SLC15A1: variants seen among roughly 807,000 people sequenced by gnomAD.
SLC15A1 encodes Caco-2 oligopeptide transporter.
A neutral mutation model predicts 92.9 loss-of-function variants in SLC15A1; 83 were observed. That is an observed-to-expected ratio of 0.89 (90% CI 0.75 to 1.07). SLC15A1 has a LOEUF of 1.07. SLC15A1 is among the 50% of genes least tolerant of loss of function. The probability of loss-of-function intolerance (pLI) is 0.00; values close to 1 mark genes in which losing one functional copy is unlikely to be tolerated. For synonymous variants in SLC15A1, 322 were observed against 318.2 expected, an observed-to-expected ratio of 1.01 and a Z score of -0.13; for missense variants, 857 against 880.1, an observed-to-expected ratio of 0.97 and a Z score of 0.33.
At chr13:98,697,058 CT>C (rs576180408) in intron 18 of SLC15A1, among the ~76,000 whole-genome samples, 2 of 151,214 alleles carry the variant, frequency 1.3e-5, no homozygotes, top group Non-Finnish European at 3.0e-5. Flanking sequence ...AATTTCTTTT[CT>C]TTTTTTTTCT....
chr13:98,703,787 T>G (rs963996506), intron 17 of SLC15A1, among the ~76,000 whole-genome samples: 1 of 152,010 alleles, frequency 6.6e-6, no homozygotes, highest in Non-Finnish European at 1.5e-5. Context: ...TCACAGCTTT[T>G]TATGTGCGAA....
At chr13:98,717,474 T>C (rs1344346234) in intron 8 of SLC15A1, among the ~76,000 whole-genome samples, 1 of 152,180 alleles carries the variant, frequency 6.6e-6, no homozygotes, top group Non-Finnish European at 1.5e-5. Flanking sequence ...AGCATAATCG[T>C]TGATAGAGGA....
chr13:98,717,350 T>C (rs2088218305), intron 8 of SLC15A1, among the ~76,000 whole-genome samples: 1 of 152,252 alleles, frequency 6.6e-6, no homozygotes, highest in South Asian at 2.1e-4. Context: ...CTTTTACCAC[T>C]AATATTTAAT....
intron 9 of SLC15A1, among the ~76,000 whole-genome samples, chr13:98,713,057 A>G (rs189954059): frequency 1.2e-4 from 18 of 152,162 alleles, no homozygotes; most frequent in African/African-American, 4.3e-4. Context: ...ATCTCAGTTT[A>G]TTTGTTTGTT....
intron 18 of SLC15A1, among the ~76,000 whole-genome samples, chr13:98,693,472 T>G (rs1846460923): frequency 6.6e-6 from 1 of 152,052 alleles, no homozygotes; most frequent in Admixed American, 6.5e-5. Context: ...TAAATTTCCC[T>G]AAAAACTTGG....
intron 1 of SLC15A1, among the ~76,000 whole-genome samples, chr13:98,734,341 G>A (rs1238714281): frequency 6.6e-6 from 1 of 152,074 alleles, no homozygotes; most frequent in Non-Finnish European, 1.5e-5. Flanking sequence ...AACAGCTCTG[G>A]TCTGCAGGTC....
At chr13:98,706,055 C>G (rs1173154859) in intron 16 of SLC15A1, 79 bp downstream of exon 16, 6 of 1,507,316 alleles carry the variant, frequency 4.0e-6, no homozygotes, top group Non-Finnish European at 5.4e-6. Context: ...ATACAAGGAC[C>G]AAGAAAAACA....
chr13:98,699,011 T>C (rs376369355), intron 18 of SLC15A1, among the ~76,000 whole-genome samples: 5 of 152,276 alleles, frequency 3.3e-5, no homozygotes, highest in East Asian at 3.9e-4. Flanking sequence ...CACAGTGCTA[T>C]ATAAATTTTA....
intron 1 of SLC15A1, among the ~76,000 whole-genome samples, chr13:98,734,605 A>G (rs2088375662): frequency 6.6e-6 from 1 of 152,180 alleles, no homozygotes; most frequent in South Asian, 2.1e-4. Context: ...GTCTTAGCAA[A>G]TGGCACACCA....
intron 7 of SLC15A1, among the ~76,000 whole-genome samples, chr13:98,719,955 T>A (rs554046911): frequency 1.3e-5 from 2 of 151,688 alleles, no homozygotes; most frequent in Non-Finnish European, 2.9e-5. Context: ...AGGATTTATA[T>A]ATATATTTAT....
intron 1 of SLC15A1, among the ~76,000 whole-genome samples, chr13:98,748,385 GGCTCAA>G (rs1176117342): frequency 6.6e-6 from 1 of 152,084 alleles, no homozygotes; most frequent in Non-Finnish European, 1.5e-5. Flanking sequence ...CCACCTCCTG[GGCTCAA>G]GTGATCCTCT....
At chr13:98,721,934 G>A in intron 5 of SLC15A1, 31 bp from the exon 6 acceptor site, 1 of 1,580,824 alleles carries the variant, frequency 6.3e-7, no homozygotes, top group Non-Finnish European at 8.7e-7. Context: ...GGGCCAACAT[G>A]GCAGATCCTC....
intron 1 of SLC15A1, among the ~76,000 whole-genome samples, chr13:98,742,634 G>C (rs1405036083): frequency 2.6e-5 from 4 of 152,116 alleles, no homozygotes; most frequent in African/African-American, 9.7e-5. Context: ...ATCTGTCCTG[G>C]GCCTGTCTCC....
chr13:98,684,820 C>T lies in SLC15A1; in HGVS notation c.2031G>A (p.Glu677=). 6.2e-7 allele frequency: 1 copy of T among 1,614,138 alleles called. No individual in the cohort carries two copies. Among genetic ancestry groups the T allele is most frequent in the Non-Finnish European group, 8.5e-7 (1 of 1,180,024 alleles). Residue 677 remains glutamate, a synonymous_variant, in exon 23 of 23, where the codon GAG becomes GAA. Transcript: ENST00000376503. ...ARFYTYINPA[E]IEAQFDEDEK... ...CATCCTCATCAAATTGAGCTTCGAT[C>T]TCCGCTGGGTTGATGTAAGTATAGA...
rs141760518 is a variant in SLC15A1 at position 98,721,818 on chromosome 13, A to G, written c.451T>C (p.Phe151Leu). 1 of 1,614,076 alleles carries G rather than the reference A, an allele frequency of 6.2e-7. No individual in the cohort carries two copies. The highest frequency in any genetic ancestry group is 2.2e-5 in the East Asian group (1 of 44,876). ...CCTACCCTTACCTGGCCCTCTTCAA[A>G]CTGATCTCCACCAAACGCAGACACA... ...PCVSAFGGDQFEEGQEKQRNR... is the reference protein window; with the variant it reads ...PCVSAFGGDQLEEGQEKQRNR... Residue 151 changes from phenylalanine (F) to leucine (L), a missense_variant, in exon 6 of 23, where the codon TTT becomes CTT. Phe to Leu is a conservative substitution (Grantham distance 22, BLOSUM62 0). Transcript: ENST00000376503.
intron 11 of SLC15A1, among the ~76,000 whole-genome samples, chr13:98,710,568 C>T (rs1383026951): frequency 1.3e-5 from 2 of 152,004 alleles, no homozygotes; most frequent in Admixed American, 6.6e-5. Flanking sequence ...ATAATTCCAG[C>T]ACTTTGGGAG....
chr13:98,705,124 A>G (rs886953532), intron 16 of SLC15A1, among the ~76,000 whole-genome samples: 1 of 150,238 alleles, frequency 6.7e-6, no homozygotes, highest in African/African-American at 2.4e-5. Flanking sequence ...GCTTAAACCC[A>G]GGAGGCAGAG....
chr13:98,744,221 A>G (rs1288046431), intron 1 of SLC15A1, among the ~76,000 whole-genome samples: 1 of 142,704 alleles, frequency 7.0e-6, no homozygotes, highest in African/African-American at 2.7e-5. Flanking sequence ...AGCCTAGGTG[A>G]CAGAGTGAGA....
chr13:98,692,722 T>A (rs1353446595), intron 18 of SLC15A1, among the ~76,000 whole-genome samples: 1 of 152,158 alleles, frequency 6.6e-6, no homozygotes, highest in Non-Finnish European at 1.5e-5. Context: ...CCACCAGCAA[T>A]GAATAAGGGT....
Sources: allele counts gnomAD v4.1 joint callset (sites outside exome capture counted in the v4.1 genomes callset), GRCh38; gene constraint gnomAD v4.1.1; transcripts MANE v1.5; gene names NCBI Gene and HGNC (gene_info 2026-07-23, HGNC 2026-07-21).